Variants in TACC1 observed in about 807,000 individuals in gnomAD.
The protein encoded by TACC1 is transforming acidic coiled-coil-containing protein 1.
TACC1 carries 48 observed loss-of-function variants against 84.4 expected under a neutral mutation model. That is an observed-to-expected ratio of 0.57 (90% CI 0.45 to 0.72). The LOEUF is 0.72. TACC1 is among the 30% of genes least tolerant of loss of function. The probability of loss-of-function intolerance (pLI) is 0.00; values close to 1 mark genes in which losing one functional copy is unlikely to be tolerated. For synonymous variants in TACC1, 372 were observed against 376.3 expected, an observed-to-expected ratio of 0.99 and a Z score of 0.13; for missense variants, 920 against 973.0, an observed-to-expected ratio of 0.95 and a Z score of 0.72.
chr8:38,742,237 A>T (rs1390094161), intron 1 of TACC1: 1 of 452,734 alleles, frequency 2.2e-6, no homozygotes, highest in Non-Finnish European at 3.9e-6. Flanking sequence ...AGTGGCTGGT[A>T]GAACTGCAGA....
intron 3 of TACC1, chr8:38,757,214 A>ACCCC: frequency 7.4e-6 from 1 of 134,508 alleles, no homozygotes; most frequent in South Asian, 5.2e-5. Flanking sequence ...CGGGCGCCCC[A>ACCCC]CCCCGCCCTC....
At chr8:38,771,627 G>A (rs1235840563) in intron 3 of TACC1, among the ~76,000 whole-genome samples, 1 of 152,210 alleles carries the variant, frequency 6.6e-6, no homozygotes, top group Admixed American at 6.5e-5. Context: ...AAGTGCGCAT[G>A]GGTGTCACCT....
At chr8:38,760,875 G>A (rs1811079648) in intron 3 of TACC1, among the ~76,000 whole-genome samples, 1 of 152,308 alleles carries the variant, frequency 6.6e-6, no homozygotes, top group Admixed American at 6.5e-5. Flanking sequence ...CCAGCACTTA[G>A]TGAGTGTGCA....
intron 11 of TACC1, chr8:38,846,378 T>C (rs1832283452): frequency 1.1e-5 from 2 of 177,980 alleles, no homozygotes; most frequent in Non-Finnish European, 2.3e-5. Context: ...TGTCAGTGGT[T>C]AGTATCCCAA....
At chr8:38,818,389 C>T (rs1825909659) in intron 2 of TACC1, among the ~76,000 whole-genome samples, 1 of 152,166 alleles carries the variant, frequency 6.6e-6, no homozygotes, top group African/African-American at 2.4e-5. Context: ...CTGTGCTACT[C>T]TTGTTTCAGA....
At chr8:38,735,987 G>A (rs898580994) in intron 1 of TACC1, among the ~76,000 whole-genome samples, 2 of 152,188 alleles carry the variant, frequency 1.3e-5, no homozygotes, top group Non-Finnish European at 2.9e-5. Context: ...CAGTTCTGGA[G>A]GAGAAAACTG....
chr8:38,843,325 T>C lies in TACC1; in HGVS notation c.2158T>C (p.Leu720=). Residue 720 remains leucine (L), a synonymous_variant, in exon 11 of 13, where the codon TTA becomes CTA. Transcript: ENST00000317827. The part of the protein sequence containing the change: ...EALKKCAQDY[L]ARVKQEEQRY... ...CTTGAAGAAATGTGCTCAGGATTAC[T>C]TAGCCAGAGTTAAACAAGAGGAGCA... 3.1e-6 allele frequency: 5 copies of C among 1,607,542 alleles called. No individual in the cohort carries two copies. Among genetic ancestry groups the C allele is most frequent in the Non-Finnish European group, 4.2e-6 (5 of 1,176,840 alleles).
chr8:38,835,503 T>G (rs2152297835), intron 6 of TACC1, among the ~76,000 whole-genome samples: 1 of 152,290 alleles, frequency 6.6e-6, no homozygotes, highest in African/African-American at 2.4e-5. Context: ...GCATGGTCCT[T>G]GACTTATGTA....
chr8:38,781,739 A>G (rs115848727), intron 3 of TACC1, among the ~76,000 whole-genome samples: 112 of 152,206 alleles, frequency 7.4e-4, no homozygotes, highest in African/African-American at 2.5e-3. Context: ...TTCAAGTCTT[A>G]AATTCCACCC....
chr8:38,770,926 C>T (rs1587487151), intron 3 of TACC1, among the ~76,000 whole-genome samples: 1 of 152,100 alleles, frequency 6.6e-6, no homozygotes, highest in African/African-American at 2.4e-5. Flanking sequence ...GGAATGTTGC[C>T]TCACGATCTC....
intron 3 of TACC1, chr8:38,823,966 T>A: frequency 7.4e-7 from 1 of 1,350,934 alleles, no homozygotes; most frequent in Non-Finnish European, 9.8e-7. Flanking sequence ...CTCTTTCCTG[T>A]CTCTAATTTT....
chr8:38,754,112 C>G (rs1033836721), intron 3 of TACC1, among the ~76,000 whole-genome samples: 2 of 151,988 alleles, frequency 1.3e-5, no homozygotes, highest in African/African-American at 4.8e-5. Flanking sequence ...CACCACCACA[C>G]TTGGCTAATT....
At chr8:38,846,918 G>A in intron 12 of TACC1, 99 bp downstream of exon 12, 1 of 1,424,600 alleles carries the variant, frequency 7.0e-7, no homozygotes, top group South Asian at 1.4e-5. Context: ...AGAGGCCTTG[G>A]CTTTCTACTC....
chr8:38,780,622 T>G (rs1176972556), intron 3 of TACC1, among the ~76,000 whole-genome samples: 1 of 140,884 alleles, frequency 7.1e-6, no homozygotes, highest in Non-Finnish European at 1.6e-5. Flanking sequence ...GTTGGTGTTG[T>G]TTTTTTTTGT....
At chr8:38,746,079 A>G (rs1489417020) in intron 3 of TACC1, among the ~76,000 whole-genome samples, 1 of 152,218 alleles carries the variant, frequency 6.6e-6, no homozygotes, top group Non-Finnish European at 1.5e-5. Context: ...GGCCTCCCAA[A>G]GTGGTAGGAT....
intron 3 of TACC1, among the ~76,000 whole-genome samples, chr8:38,774,925 C>T (rs551400505): frequency 1.3e-5 from 2 of 149,460 alleles, no homozygotes; most frequent in African/African-American, 4.9e-5. Flanking sequence ...GCAGGAGAAT[C>T]GCTTGAACCC....
chr8:38,777,460 G>A (rs1447700137), intron 3 of TACC1, among the ~76,000 whole-genome samples: 1 of 152,152 alleles, frequency 6.6e-6, no homozygotes. Flanking sequence ...GCCGGGAGAG[G>A]CTGGACATGC....
Position 38,825,355 on chromosome 8 carries a change from A to T in TACC1, c.1439A>T (p.Asp480Val), listed in dbSNP as rs1027353346. ...CATGAAACTCAGTCTCTCGCCCTGG[A>T]TGCATGTTCTCGGGTGAGTCTGTGC... ...KKHETQSLAL[D>V]ACSRDEGAVI... Residue 480 changes from aspartate (D) to valine (V), a missense_variant, in exon 4 of 13, where the codon GAT (aspartate) becomes GTT (valine). Asp to Val is a radical substitution (Grantham distance 152). This residue lies in a region of TACC1 where 762 missense variants were observed against 747.3 expected (regional missense o/e 1.02). Coordinates refer to ENST00000317827, the MANE Select transcript of TACC1 (RefSeq NM_006283.3). 5.6e-6 allele frequency: 9 copies of T among 1,614,032 alleles called. No individual in the cohort carries two copies. The highest frequency in any genetic ancestry group is 7.6e-6 in the Non-Finnish European group (9 of 1,179,992).
chr8:38,761,979 A>G (rs1811295609), intron 3 of TACC1, among the ~76,000 whole-genome samples: 1 of 152,190 alleles, frequency 6.6e-6, no homozygotes, highest in Admixed American at 6.5e-5. Context: ...AATGATTTGA[A>G]TTGCATGACA....
Sources: allele counts gnomAD v4.1 joint callset (sites outside exome capture counted in the v4.1 genomes callset), GRCh38; gene constraint gnomAD v4.1.1; regional missense constraint gnomAD v4.1.1; transcripts MANE v1.5; gene names NCBI Gene and HGNC (gene_info 2026-07-23, HGNC 2026-07-21).